CNTRL: variants seen among roughly 807,000 people sequenced by gnomAD.
CNTRL encodes 110 kDa centrosomal protein.
A neutral mutation model predicts 303.7 loss-of-function variants in CNTRL; 233 were observed. The ratio of observed to expected loss-of-function variants is 0.77; its 90% CI spans 0.69 to 0.86. The LOEUF is 0.86. CNTRL is among the 40% of genes least tolerant of loss of function. CNTRL has a pLI of 0.00. For synonymous variants in CNTRL, 900 were observed against 922.2 expected (o/e 0.98, Z 0.44); for missense variants, 2,524 against 2,650.6 (o/e 0.95, Z 1.05).
At chr9:121,160,336 G>A in intron 32 of CNTRL, 34 bp downstream of exon 32, 2 of 1,395,442 alleles carry the variant, frequency 1.4e-6, no homozygotes, top group South Asian at 1.9e-5. Flanking sequence ...TACAAAGTTT[G>A]AGGTTGGAAA....
chr9:121,161,858 C>T lies in CNTRL; in HGVS notation c.5092C>T (p.Leu1698=). The change falls in exon 33 of 44, where the codon CTA becomes TTA. Residue 1698 remains leucine, a splice_region_variant and synonymous_variant. Coordinates refer to ENST00000373855, the MANE Select transcript of CNTRL (RefSeq NM_007018.6). ...CATGCTTTGTTTCTATCCCTTAGAA[C>T]TAAAGAATATTCTGGACATGTTGCA... ...LRQMSKHKTE[L]KNILDMLQLE... The T allele has an allele frequency of 6.2e-7, 1 of 1,607,746 alleles. No homozygotes were observed. The highest frequency in any genetic ancestry group is 8.5e-7 in the Non-Finnish European group (1 of 1,174,386).
chr9:121,158,625 T>C (rs753743351), intron 30 of CNTRL: 2 of 437,852 alleles, frequency 4.6e-6, no homozygotes, highest in Non-Finnish European at 8.1e-6. Context: ...ATGATCATGA[T>C]TATCATATTG....
intron 6 of CNTRL, among the ~76,000 whole-genome samples, chr9:121,097,072 A>T (rs914029377): frequency 6.6e-6 from 1 of 152,114 alleles, no homozygotes; most frequent in African/African-American, 2.4e-5. Flanking sequence ...TTTTCATAAT[A>T]GAGCAACTTT....
intron 14 of CNTRL, 141 bp from the exon 15 acceptor site, chr9:121,135,665 A>G (rs2051147569): frequency 1.5e-6 from 1 of 651,818 alleles, no homozygotes; most frequent in Non-Finnish European, 2.5e-6. Flanking sequence ...AGGCTTCGTC[A>G]TATTGCTACT....
intron 8 of CNTRL, 146 bp from the exon 9 acceptor site, chr9:121,112,308 GTAAGA>G (rs2049782655): frequency 2.2e-6 from 1 of 456,428 alleles, no homozygotes; most frequent in East Asian, 3.5e-5. Flanking sequence ...TAATTTAGAA[GTAAGA>G]TAAAATGTTC....
At chr9:121,075,921 G>A (rs1270768832) in intron 1 of CNTRL, among the ~76,000 whole-genome samples, 1 of 152,158 alleles carries the variant, frequency 6.6e-6, no homozygotes, top group Non-Finnish European at 1.5e-5. Flanking sequence ...TTTCGTTCCA[G>A]AATCCAAGCT....
chr9:121,163,865 C>CTTTT (rs35289557), intron 34 of CNTRL, among the ~76,000 whole-genome samples: 3 of 138,172 alleles, frequency 2.2e-5, no homozygotes, highest in Admixed American at 7.4e-5. Flanking sequence ...TAACCAGGAA[C>CTTTT]TTTTTTTTTT....
In CNTRL at chr9:121,083,961, TGAA is replaced by T. The variant is rs1232029485; in HGVS notation, c.-32+3486_-32+3488del. On this transcript the variant is annotated intron_variant, in intron 2 of 43. Transcript: ENST00000373855. ...TATGTATTTCACAATATCACATATA[TGAA>T]GATGTTTGTCATTCCACTATCCCTT... Among the ~76,000 whole-genome samples the T allele has an allele frequency of 2.6e-5, 4 of 152,376 alleles. No individual in the cohort carries two copies. The East Asian group carries it at 7.7e-4, about 29-fold the overall frequency.
At chr9:121,115,267 C>A in intron 11 of CNTRL, 67 bp downstream of exon 11, 5 of 818,030 alleles carry the variant, frequency 6.1e-6, no homozygotes, top group South Asian at 3.9e-5. Flanking sequence ...CCCTTCATAA[C>A]CATATAAAAC....
chr9:121,136,618 C>T (rs1056350539), intron 15 of CNTRL, among the ~76,000 whole-genome samples: 1 of 152,136 alleles, frequency 6.6e-6, no homozygotes, highest in African/African-American at 2.4e-5. Context: ...GCCGAGACCT[C>T]TTTTAGGTTG....
At position 121,169,722 on chromosome 9, in the gene CNTRL, A is replaced by T; in HGVS notation, c.6182A>T (p.Gln2061Leu). Residue 2061 changes from glutamine to leucine, a missense_variant, in exon 39 of 44, where the codon CAG (glutamine) becomes CTG (leucine). By Grantham distance (113) the Gln-to-Leu change is moderately radical. Transcript: ENST00000373855. ...GCAGACTTCAGCCTTCTGCGGAACC[A>T]GTTCTTGACAGAAAGAAAGAAAGCT... is the stretch of plus-strand genomic sequence containing the variant. ...MRADFSLLRN[Q>L]FLTERKKAEK... 1 of 1,614,248 alleles carries T rather than the reference A, an allele frequency of 6.2e-7. No individual in the cohort carries two copies. Among genetic ancestry groups the T allele is most frequent in the South Asian group, 1.1e-5 (1 of 91,086 alleles).
intron 8 of CNTRL, chr9:121,110,994 A>G (rs914181741): frequency 1.3e-5 from 2 of 152,128 alleles, no homozygotes; most frequent in African/African-American, 4.8e-5. Flanking sequence ...AGACCAGTTC[A>G]TGTATTCTCT....
intron 14 of CNTRL, among the ~76,000 whole-genome samples, chr9:121,134,709 C>T (rs1402404421): frequency 3.3e-5 from 5 of 152,186 alleles, no homozygotes; most frequent in Admixed American, 1.3e-4. Context: ...GATTGAACCA[C>T]GTTCTGGGTT....
chr9:121,147,678 G>A (rs1486172755), intron 23 of CNTRL, among the ~76,000 whole-genome samples: 1 of 152,146 alleles, frequency 6.6e-6, no homozygotes, highest in Non-Finnish European at 1.5e-5. Flanking sequence ...AAAGCAGAGG[G>A]GCCTGGTGCT....
intron 27 of CNTRL, among the ~76,000 whole-genome samples, chr9:121,156,905 G>A (rs2052601211): frequency 6.6e-6 from 1 of 152,196 alleles, no homozygotes; most frequent in South Asian, 2.1e-4. Flanking sequence ...AGTGCAGCAA[G>A]AATTTCTGTG....
intron 11 of CNTRL, among the ~76,000 whole-genome samples, chr9:121,116,076 G>A (rs10733653): frequency 0.7 from 106,038 of 151,916 alleles, 37,505 homozygotes; most frequent in East Asian, 0.96. Flanking sequence ...AAAAAGGAAA[G>A]AAGTTAAAAA....
intron 40 of CNTRL, among the ~76,000 whole-genome samples, chr9:121,171,887 C>A (rs2053319407): frequency 6.6e-6 from 1 of 152,162 alleles, no homozygotes; most frequent in South Asian, 2.1e-4. Context: ...ACCTCCCCTA[C>A]CCCTTGAGCA....
At chr9:121,086,774 C>T (rs930732060) in intron 2 of CNTRL, among the ~76,000 whole-genome samples, 11 of 151,800 alleles carry the variant, frequency 7.2e-5, no homozygotes, top group Non-Finnish European at 1.3e-4. Flanking sequence ...CTCCCCTCGA[C>T]CCCAAGTAGC....
At chr9:121,156,877 G>A (rs993932095) in intron 27 of CNTRL, among the ~76,000 whole-genome samples, 9 of 152,060 alleles carry the variant, frequency 5.9e-5, no homozygotes, top group African/African-American at 9.7e-5. Flanking sequence ...TTTTTACTTC[G>A]CTTGATAATA....
Sources: gnomAD v4.1 joint callset for allele counts (sites outside exome capture counted in the v4.1 genomes callset) on GRCh38, gnomAD v4.1.1 for gene constraint, MANE v1.5 for transcripts, NCBI Gene and HGNC (gene_info 2026-07-23, HGNC 2026-07-21) for gene names.